NFU1: variants seen among roughly 807,000 people sequenced by gnomAD.
NFU1 encodes NFU1 iron-sulfur cluster scaffold.
A neutral mutation model predicts 32.2 loss-of-function variants in NFU1; 30 were observed. The observed-to-expected ratio is 0.93, with a 90% CI of 0.70 to 1.26. The LOEUF (loss-of-function observed/expected upper bound fraction) is 1.26, where lower values mean the gene tolerates loss of function less well. Among genes scored for constraint, NFU1 ranks in the 50% most tolerant of loss-of-function variants. The pLI is 0.00. For missense variants in NFU1, 306 were observed against 306.6 expected (o/e 1.00, Z 0.02); for synonymous variants, 112 against 104.6 (o/e 1.07, Z -0.43).
At chr2:69,419,974 C>G (rs1447688878) in intron 3 of NFU1, among the ~76,000 whole-genome samples, 2 of 151,994 alleles carry the variant, frequency 1.3e-5, no homozygotes, top group African/African-American at 4.8e-5. Context: ...TACTAAGTGC[C>G]AGGCACTGTA....
In NFU1 at chr2:69,400,496, G is replaced by T; in HGVS notation, c.588C>A (p.Gly196=). 3.1e-6 allele frequency: 5 copies of T among 1,614,062 alleles called. No homozygotes were observed. The highest frequency in any genetic ancestry group is 4.2e-6 in the Non-Finnish European group (5 of 1,179,992). The change falls in exon 7 of 8, where the codon GGC becomes GGA. Residue 196 remains glycine (G), a synonymous_variant. Coordinates refer to ENST00000410022, the MANE Select transcript of NFU1 (RefSeq NM_001002755.4). ...TCAGCTGTACAATGCCATCTTCAAA[G>T]CCTTTGTAGATTACATCCCCTCCAT... is the stretch of plus-strand genomic sequence containing the variant. ...QEDGGDVIYK[G]FEDGIVQLKL...
intron 1 of NFU1, among the ~76,000 whole-genome samples, chr2:69,437,079 T>C (rs983084907): frequency 6.6e-6 from 1 of 152,240 alleles, no homozygotes; most frequent in African/African-American, 2.4e-5. Flanking sequence ...GTTCTGGCTC[T>C]ACAGCCAGTC....
At chr2:69,406,170 A>G (rs2104749638) in intron 5 of NFU1, 88 bp from the exon 6 acceptor site, 1 of 777,806 alleles carries the variant, frequency 1.3e-6, no homozygotes, top group Non-Finnish European at 2.2e-6. Context: ...TTTTAACTAC[A>G]TGGTTCATTA....
rs774754942 is a variant in NFU1, at chr2:69,401,591, G to T, written c.546-1053C>A. Among the ~76,000 whole-genome samples, 90 of 152,214 alleles carry T rather than the reference G, an allele frequency of 5.9e-4. 1 individual carries two copies. Among genetic ancestry groups the T allele is most frequent in the Admixed American group, 3.9e-4 (6 of 15,280 alleles). ...TAAAGATTCTTAGAAATGTCTTTTGGTATGCATATATATTACTACTGGGAA... is the reference window on the plus strand; with the variant it reads ...TAAAGATTCTTAGAAATGTCTTTTGTTATGCATATATATTACTACTGGGAA... On this transcript the variant is annotated intron_variant, in intron 6 of 7. Transcript: ENST00000410022.
At chr2:69,427,945 C>G (rs1243075520) in intron 2 of NFU1, among the ~76,000 whole-genome samples, 1 of 151,964 alleles carries the variant, frequency 6.6e-6, no homozygotes, top group African/African-American at 2.4e-5. Flanking sequence ...ATCACTTGAA[C>G]CTGGGAGGTG....
rs571071270 is a variant in NFU1 at position 69,423,053 on chromosome 2, T to C, written c.302+529A>G. 2.6e-5 allele frequency among the ~76,000 whole-genome samples: 4 copies of C among 151,928 alleles called. No individual in the cohort carries two copies. In the East Asian group the frequency reaches 7.8e-4, roughly 30 times the overall value. ...GTGCAGTGGCACCATCATGGCTCACTGCAGCCTCAACCTCCCAGGCTCAAG... is the reference window on the plus strand; with the variant it reads ...GTGCAGTGGCACCATCATGGCTCACCGCAGCCTCAACCTCCCAGGCTCAAG... On this transcript the variant is annotated intron_variant, in intron 3 of 7. Coordinates refer to ENST00000410022, the MANE Select transcript of NFU1 (RefSeq NM_001002755.4).
At chr2:69,418,246 A>G (rs879196890) in intron 4 of NFU1, among the ~76,000 whole-genome samples, 5 of 152,136 alleles carry the variant, frequency 3.3e-5, no homozygotes, top group Admixed American at 3.3e-4. Context: ...CAAAAAATAC[A>G]AAAATTAGTT....
chr2:69,413,128 T>C lies in NFU1; in HGVS notation c.484+2057A>G, dbSNP rs542511947. Reference sequence around the variant, plus strand: ...GGTGAAACCCCGTCTCTACTAAAAATAGAAAAATTAGTTGGGCATGGTGGC... The same window carrying C: ...GGTGAAACCCCGTCTCTACTAAAAACAGAAAAATTAGTTGGGCATGGTGGC... On this transcript the variant is annotated intron_variant, in intron 5 of 7. Transcript: ENST00000410022. 5.3e-5 allele frequency among the ~76,000 whole-genome samples: 8 copies of C among 151,398 alleles called. No individual in the cohort carries two copies. In the South Asian group the frequency reaches 1.5e-3, roughly 28 times the overall value.
chr2:69,399,891 T>G (rs76685793), intron 7 of NFU1, among the ~76,000 whole-genome samples: 1 of 139,880 alleles, frequency 7.1e-6, no homozygotes, highest in Non-Finnish European at 1.5e-5. Flanking sequence ...TTTTTTTTTT[T>G]GACGGAGTTT....
chr2:69,398,298 C>G (rs1672403301), intron 7 of NFU1, among the ~76,000 whole-genome samples: 2 of 152,074 alleles, frequency 1.3e-5, no homozygotes, highest in South Asian at 4.1e-4. Flanking sequence ...AAAGCAAAAA[C>G]AGAAGCTTTG....
chr2:69,415,125 G>T, intron 5 of NFU1, 60 bp downstream of exon 5: 1 of 878,392 alleles, frequency 1.1e-6, no homozygotes, highest in Non-Finnish European at 1.9e-6. Flanking sequence ...AGGTAAATGT[G>T]AAGAAAATAG....
intron 3 of NFU1, among the ~76,000 whole-genome samples, chr2:69,422,412 A>T (rs1239597357): frequency 6.6e-6 from 1 of 152,208 alleles, no homozygotes; most frequent in Non-Finnish European, 1.5e-5. Flanking sequence ...ACATGCCTTT[A>T]TCTGGTGAAT....
chr2:69,437,823 C>T (rs549127126), upstream of NFU1, among the ~76,000 whole-genome samples: 1 of 152,326 alleles, frequency 6.6e-6, no homozygotes, highest in African/African-American at 2.4e-5. Flanking sequence ...TGACTGCCCC[C>T]AAAGACTCCC....
chr2:69,423,478 T>C (rs2104792666), intron 3 of NFU1, 104 bp downstream of exon 3: 1 of 1,011,968 alleles, frequency 9.9e-7, no homozygotes, highest in Admixed American at 2.6e-5. Context: ...TAAAAAAAAA[T>C]GCAGTGCACA....
chr2:69,431,990 CAACATATGACAG>C lies in NFU1; in HGVS notation c.66_77del (p.Phe22_Met25del), dbSNP rs1437490000. The C allele has an allele frequency of 1.2e-6, 2 of 1,609,160 alleles. No homozygotes were observed. The highest frequency in any genetic ancestry group is 1.7e-6 in the Non-Finnish European group (2 of 1,175,620). On this transcript the variant is annotated inframe_deletion, in exon 2 of 8. Transcript: ENST00000410022. Reference sequence around the variant, plus strand: ...GTTTCTTAATGGTGTATGGATTCTTCAACATATGACAGAACCTGCATTTAAAAGCACATAATG... The same window carrying C: ...GTTTCTTAATGGTGTATGGATTCTTCAACCTGCATTTAAAAGCACATAATG...
intron 5 of NFU1, among the ~76,000 whole-genome samples, chr2:69,408,861 C>CTT (rs1173785443): frequency 0.095 from 6,426 of 67,774 alleles, 885 homozygotes; most frequent in Non-Finnish European, 0.12. Flanking sequence ...CAGGCTTGTG[C>CTT]TTTTTTTTTT....
At chr2:69,397,868 C>T (rs1672390863) in intron 7 of NFU1, among the ~76,000 whole-genome samples, 1 of 141,328 alleles carries the variant, frequency 7.1e-6, no homozygotes, top group Non-Finnish European at 1.5e-5. Flanking sequence ...GAGCCAAGAT[C>T]AAGCCATTGT....
chr2:69,431,028 A>G (rs182420169), intron 2 of NFU1, among the ~76,000 whole-genome samples: 1 of 152,370 alleles, frequency 6.6e-6, no homozygotes, highest in East Asian at 1.9e-4. Context: ...TACAGTCATC[A>G]CACTTCAAAT....
At position 69,406,083 on chromosome 2, in the gene NFU1, C is replaced by T. The variant is rs1464338870; in HGVS notation, c.485-1G>A. 1.3e-6 allele frequency: 2 copies of T among 1,573,450 alleles called. No homozygotes were observed. Among genetic ancestry groups the T allele is most frequent in the Admixed American group, 3.3e-5 (2 of 59,926 alleles). ...ACAACTTCATCATCTTCTTCAGATCCTAGAAATAATTACATATAAAAACAT... is the reference window on the plus strand; with the variant it reads ...ACAACTTCATCATCTTCTTCAGATCTTAGAAATAATTACATATAAAAACAT... On this transcript the variant is annotated splice_acceptor_variant, in intron 5 of 7. Coordinates refer to ENST00000410022, the MANE Select transcript of NFU1 (RefSeq NM_001002755.4). LOFTEE classifies it high-confidence loss of function.
Sources: gnomAD v4.1 joint callset for allele counts (sites outside exome capture counted in the v4.1 genomes callset) on GRCh38, gnomAD v4.1.1 for gene constraint, MANE v1.5 for transcripts, NCBI Gene and HGNC (gene_info 2026-07-23, HGNC 2026-07-21) for gene names.